The following CSMD1 variants were observed in gnomAD, a reference collection of about 807,000 sequenced individuals.
CSMD1 encodes CUB and sushi domain-containing protein 1.
Under a neutral mutation model 417.5 loss-of-function variants are expected in CSMD1, and 213 were observed. That is an observed-to-expected ratio of 0.51 (90% CI 0.46 to 0.57). CSMD1 has a LOEUF of 0.57. Among genes scored for constraint, CSMD1 ranks in the 20% least tolerant of loss-of-function variants. CSMD1 has a pLI of 0.00. For synonymous variants in CSMD1, 2,862 were observed against 1,736.8 expected, an observed-to-expected ratio of 1.65 and a Z score of -16.11; for missense variants, 6,923 against 4,529.7, an observed-to-expected ratio of 1.53 and a Z score of -15.17.
chr8:4,622,628 G>A (rs925882790), intron 2 of CSMD1, among the ~76,000 whole-genome samples: 2 of 152,176 alleles, frequency 1.3e-5, no homozygotes, highest in Non-Finnish European at 2.9e-5. Context: ...GGAAAGAAGA[G>A]CAGGTTTGGA....
rs192369111 is a variant in CSMD1, at chr8:3,072,057, C to T, written c.7474+15040G>A. Among the ~76,000 whole-genome samples, 438 of 152,176 alleles carry T rather than the reference C, an allele frequency of 2.9e-3. 4 individuals carry two copies. The highest frequency in any genetic ancestry group is 0.014 in the Middle Eastern group (4 of 294). ...TGGATAATGCATTCCATACAATGCT[C>T]GTCTAAGTTATTTTTTAGAAGAAAA... On this transcript the variant is annotated intron_variant, in intron 49 of 69. Transcript: ENST00000635120.
At chr8:4,168,841 C>T (rs1451701523) in intron 3 of CSMD1, among the ~76,000 whole-genome samples, 1 of 152,242 alleles carries the variant, frequency 6.6e-6, no homozygotes, top group South Asian at 2.1e-4. Flanking sequence ...CTGTTGTCTT[C>T]AGCCTCCACC....
At chr8:4,327,197 C>T (rs1161184107) in intron 3 of CSMD1, among the ~76,000 whole-genome samples, 1 of 152,156 alleles carries the variant, frequency 6.6e-6, no homozygotes, top group Non-Finnish European at 1.5e-5. Context: ...AGAAATAACA[C>T]ATTACATATC....
rs186914654 is a variant in CSMD1 at position 4,456,221 on chromosome 8, G to C, written c.303-36156C>G. ...CAGGTTTTTAAAGCTTGGGCCAATT[G>C]GTTCAGAAAATATGCTTTAAAATAC... On this transcript the variant is annotated intron_variant, in intron 2 of 69. Transcript: ENST00000635120. Among the ~76,000 whole-genome samples the C allele has an allele frequency of 2.0e-5, 3 of 152,082 alleles. No individual in the cohort carries two copies. The East Asian group carries it at 5.8e-4, about 30-fold the overall frequency.
At chr8:3,903,503 G>A (rs896386873) in intron 5 of CSMD1, among the ~76,000 whole-genome samples, 5 of 152,142 alleles carry the variant, frequency 3.3e-5, no homozygotes, top group Non-Finnish European at 7.3e-5. Flanking sequence ...AGAGAAGTGT[G>A]CTTCTCATAT....
intron 5 of CSMD1, among the ~76,000 whole-genome samples, chr8:3,875,319 T>C (rs999557766): frequency 1.3e-5 from 2 of 152,202 alleles, no homozygotes; most frequent in Admixed American, 6.5e-5. Context: ...AAGAATTTGC[T>C]GTTCTATTAG....
intron 1 of CSMD1, among the ~76,000 whole-genome samples, chr8:4,744,961 A>C (rs1023028180): frequency 6.6e-6 from 1 of 152,320 alleles, no homozygotes; most frequent in African/African-American, 2.4e-5. Context: ...AACTATTTCA[A>C]ATCAGACACA....
intron 8 of CSMD1, among the ~76,000 whole-genome samples, chr8:3,608,659 G>C (rs1801739026): frequency 6.6e-6 from 1 of 151,684 alleles, no homozygotes. Flanking sequence ...AGCTACTCAG[G>C]AGGCTGAGGC....
intron 1 of CSMD1, among the ~76,000 whole-genome samples, chr8:4,965,372 G>T (rs1420147337): frequency 6.6e-6 from 1 of 152,122 alleles, no homozygotes; most frequent in Non-Finnish European, 1.5e-5. Context: ...GTGTACACAA[G>T]GTCCCCCTAT....
chr8:3,691,871 G>C (rs1321439223), intron 7 of CSMD1, among the ~76,000 whole-genome samples: 1 of 152,178 alleles, frequency 6.6e-6, no homozygotes, highest in Non-Finnish European at 1.5e-5. Context: ...GGCAGAATTT[G>C]AATCTATGAC....
At chr8:3,372,235 G>C (rs1052566625) in intron 18 of CSMD1, among the ~76,000 whole-genome samples, 2 of 152,132 alleles carry the variant, frequency 1.3e-5, no homozygotes, top group African/African-American at 2.4e-5. Flanking sequence ...GGAACAATTT[G>C]GGTAGAGAGA....
intron 2 of CSMD1, among the ~76,000 whole-genome samples, chr8:4,585,933 A>G (rs888482586): frequency 1.3e-5 from 2 of 152,244 alleles, no homozygotes; most frequent in African/African-American, 4.8e-5. Context: ...TAACAATAAA[A>G]TTATTGATTT....
rs1447851703 is a variant in CSMD1, at chr8:4,739,439, A to G, written c.86-101881T>C. On this transcript the variant is annotated intron_variant, in intron 1 of 69. Transcript: ENST00000635120. ...CCTCCCAACTCTCTACAATATAAAG[A>G]GAAAAGGTCATGTGAATATTATCTA... Among the ~76,000 whole-genome samples, 3 of 152,350 alleles carry G rather than the reference A, an allele frequency of 2.0e-5. No individual in the cohort carries two copies. The East Asian group carries it at 5.8e-4, about 29-fold the overall frequency.
At position 4,276,405 on chromosome 8, in the gene CSMD1, A is replaced by G. The variant is rs570320962; in HGVS notation, c.415+143548T>C. Among the ~76,000 whole-genome samples the G allele has an allele frequency of 1.2e-3, 177 of 152,282 alleles. 2 individuals carry two copies. The highest frequency in any genetic ancestry group is 8.1e-3 in the South Asian group (39 of 4,828). ...AACTAAACACCACATGTTTTCACTCATAAGTGGGAGTTGAACAATGAGGAC... is the reference window on the plus strand; with the variant it reads ...AACTAAACACCACATGTTTTCACTCGTAAGTGGGAGTTGAACAATGAGGAC... On this transcript the variant is annotated intron_variant, in intron 3 of 69. Transcript: ENST00000635120.
intron 1 of CSMD1, among the ~76,000 whole-genome samples, chr8:4,724,115 C>T (rs527312808): frequency 8.8e-4 from 134 of 152,186 alleles, no homozygotes; most frequent in African/African-American, 3.1e-3. Context: ...TGTCATTTTC[C>T]TGTAAGACAA....
chr8:3,740,249 G>A (rs1563328880), intron 6 of CSMD1, among the ~76,000 whole-genome samples: 1 of 152,138 alleles, frequency 6.6e-6, no homozygotes, highest in African/African-American at 2.4e-5. Flanking sequence ...GACACTGCAG[G>A]CACCTGCCAA....
At chr8:4,249,830 G>C (rs934367394) in intron 3 of CSMD1, among the ~76,000 whole-genome samples, 21 of 152,154 alleles carry the variant, frequency 1.4e-4, no homozygotes, top group Admixed American at 1.0e-3. Flanking sequence ...AAATGGTGCT[G>C]TGGTTTGAAT....
In CSMD1 at chr8:3,151,380, G is replaced by C. The variant is rs1819183956; in HGVS notation, c.6031+17C>G. 1 of 1,518,596 alleles carries C rather than the reference G, an allele frequency of 6.6e-7. No homozygotes were observed. Among genetic ancestry groups the C allele is most frequent in the Non-Finnish European group, 9.1e-7 (1 of 1,096,910 alleles). The allele number at this position is 1,518,596 out of a possible 1,614,324, so 94.1% of individuals were successfully genotyped here. A position where few individuals can be genotyped will look rare whatever the true frequency, so the allele number is the denominator to read the frequency against. On this transcript the variant is annotated intron_variant, in intron 40 of 69. Coordinates refer to ENST00000635120, the MANE Select transcript of CSMD1 (RefSeq NM_033225.6). ...GAAAAAAATGAACTTTTAGGAATTGGTAACATTTTCACTTACCATAGCCGA... is the reference window on the plus strand; with the variant it reads ...GAAAAAAATGAACTTTTAGGAATTGCTAACATTTTCACTTACCATAGCCGA...
At chr8:4,754,604 A>C (rs1676950) in intron 1 of CSMD1, among the ~76,000 whole-genome samples, 121,487 of 151,178 alleles carry the variant, frequency 0.8, 48,989 homozygotes, top group African/African-American at 0.84. Context: ...GTAATCCTAG[A>C]ACTTTGGGAG....
Sources: allele counts gnomAD v4.1 joint callset (sites outside exome capture counted in the v4.1 genomes callset), GRCh38; gene constraint gnomAD v4.1.1; transcripts MANE v1.5; gene names NCBI Gene and HGNC (gene_info 2026-07-23, HGNC 2026-07-21).